The following SOX5 variants were observed in gnomAD, a reference collection of about 807,000 sequenced individuals.
SOX5 encodes the protein transcription factor SOX-5.
SOX5 carries 9 observed loss-of-function variants against 92.0 expected under a neutral mutation model. The observed-to-expected ratio is 0.10, with a 90% confidence interval of 0.06 to 0.17. SOX5 has a LOEUF of 0.17. Among genes scored for constraint, SOX5 ranks in the 10% least tolerant of loss-of-function variants. The pLI, the probability that SOX5 is intolerant of heterozygous loss-of-function variation, is 1.00. For missense variants in SOX5, 642 were observed against 944.5 expected (o/e 0.68, Z 4.20); for synonymous variants, 344 against 336.3 (o/e 1.02, Z -0.25).
chr12:24,119,167 C>T (rs1288918745), intron 4 of SOX5, among the ~76,000 whole-genome samples: 1 of 152,050 alleles, frequency 6.6e-6, no homozygotes, highest in Non-Finnish European at 1.5e-5. Context: ...GGAATATTCT[C>T]TCAGGAACTA....
chr12:23,540,741 G>C (rs766605845), intron 13 of SOX5, among the ~76,000 whole-genome samples: 1 of 152,010 alleles, frequency 6.6e-6, no homozygotes, highest in African/African-American at 2.4e-5. Flanking sequence ...CAGATTTTAG[G>C]GTATTATAAA....
intron 4 of SOX5, among the ~76,000 whole-genome samples, chr12:24,093,935 GTA>G (rs1944992862): frequency 6.6e-6 from 1 of 151,940 alleles, no homozygotes; most frequent in Non-Finnish European, 1.5e-5. Context: ...TTGAAATTGT[GTA>G]TCTTTTTTTG....
rs368651936 is a variant in SOX5 at position 24,030,028 on chromosome 12, T to G, written c.-1-134004A>C. Among the ~76,000 whole-genome samples the G allele has an allele frequency of 4.7e-4, 72 of 152,028 alleles. 1 individual carries two copies. In the South Asian group the frequency reaches 0.014, roughly 29 times the overall value. ...AGGTACGTGTTGTTTTCACCTTCGT[T>G]TTACCGAAGAGAAATTGAAGCACAG... On this transcript the variant is annotated intron_variant, in intron 4 of 4. Coordinates refer to the SOX5 transcript ENST00000446891.
At chr12:23,613,862 G>C (rs79004914) in intron 8 of SOX5, among the ~76,000 whole-genome samples, 11,101 of 152,224 alleles carry the variant, frequency 0.073, 551 homozygotes, top group Non-Finnish European at 0.1. Flanking sequence ...CAGGGGCTCA[G>C]GGGAGGGAGG....
intron 4 of SOX5, among the ~76,000 whole-genome samples, chr12:23,741,613 T>C (rs1413850594): frequency 2.0e-5 from 3 of 152,196 alleles, no homozygotes; most frequent in South Asian, 2.1e-4. Context: ...CAGAATTCTA[T>C]GTTAAAAGAG....
intron 4 of SOX5, among the ~76,000 whole-genome samples, chr12:24,144,887 G>A (rs185505860): frequency 6.6e-6 from 1 of 152,086 alleles, no homozygotes; most frequent in Admixed American, 6.6e-5. Context: ...TATACTATTT[G>A]AAAGTTCTCA....
At chr12:23,878,071 C>T (rs1044323414) in intron 2 of SOX5, among the ~76,000 whole-genome samples, 1 of 151,852 alleles carries the variant, frequency 6.6e-6, no homozygotes, top group Non-Finnish European at 1.5e-5. Context: ...TTAAAGTTAT[C>T]GCTATTAGAA....
At chr12:24,061,796 G>T (rs185269970) in intron 4 of SOX5, among the ~76,000 whole-genome samples, 2 of 151,390 alleles carry the variant, frequency 1.3e-5, no homozygotes, top group Non-Finnish European at 2.9e-5. Context: ...CTTTCAACAG[G>T]CCCTATAATG....
chr12:23,754,975 G>A (rs1004645082), intron 4 of SOX5, among the ~76,000 whole-genome samples: 1 of 142,710 alleles, frequency 7.0e-6, no homozygotes, highest in Non-Finnish European at 1.5e-5. Flanking sequence ...GCAACAAATA[G>A]AAAACTATCA....
intron 3 of SOX5, among the ~76,000 whole-genome samples, chr12:23,767,795 C>T (rs1237560793): frequency 6.9e-6 from 1 of 144,984 alleles, no homozygotes; most frequent in African/African-American, 2.6e-5. Context: ...CTGATCTTTT[C>T]AGAAATAAAT....
chr12:23,601,912 G>C lies in SOX5; in HGVS notation c.1164+2475C>G, dbSNP rs149544582. Among the ~76,000 whole-genome samples the C allele has an allele frequency of 8.5e-5, 13 of 152,190 alleles. No individual in the cohort carries two copies. In the East Asian group the frequency reaches 2.5e-3, roughly 29 times the overall value. On this transcript the variant is annotated intron_variant, in intron 9 of 14. Transcript: ENST00000451604. ...GAGTGGTTGTGGACAGTATGCTAGA[G>C]GGCACTGAGCAAAGAAAGGGCATAT...
At chr12:24,334,682 A>C (rs1051747525) in intron 2 of SOX5, among the ~76,000 whole-genome samples, 2 of 152,188 alleles carry the variant, frequency 1.3e-5, no homozygotes, top group African/African-American at 4.8e-5. Flanking sequence ...AGAAGTAAAC[A>C]AAGTTTTATG....
At chr12:24,350,915 T>C (rs1247787800) in intron 2 of SOX5, among the ~76,000 whole-genome samples, 1 of 151,986 alleles carries the variant, frequency 6.6e-6, no homozygotes, top group Non-Finnish European at 1.5e-5. Flanking sequence ...TAGCCGAGTA[T>C]GATGGTGCAC....
chr12:24,138,829 T>C (rs561686673), intron 4 of SOX5, among the ~76,000 whole-genome samples: 1 of 152,178 alleles, frequency 6.6e-6, no homozygotes, highest in African/African-American at 2.4e-5. Context: ...CCTAGAGATA[T>C]TCCCCCCATT....
At chr12:24,028,473 G>C (rs751104599) in intron 4 of SOX5, among the ~76,000 whole-genome samples, 7 of 151,944 alleles carry the variant, frequency 4.6e-5, no homozygotes, top group Non-Finnish European at 1.0e-4. Context: ...ACCATATATT[G>C]ATTGTCCCAT....
intron 4 of SOX5, among the ~76,000 whole-genome samples, chr12:23,992,077 A>T (rs995875617): frequency 6.6e-6 from 1 of 152,106 alleles, no homozygotes; most frequent in Admixed American, 6.6e-5. Flanking sequence ...AGAAACCCAG[A>T]TCAGTATTGG....
chr12:23,929,999 T>C (rs555876446), intron 1 of SOX5, among the ~76,000 whole-genome samples: 83 of 151,900 alleles, frequency 5.5e-4, no homozygotes, highest in Admixed American at 1.2e-3. Context: ...CTACTCATCC[T>C]CATTCTGACC....
chr12:24,415,998 C>A (rs1964950741), intron 1 of SOX5, among the ~76,000 whole-genome samples: 1 of 152,178 alleles, frequency 6.6e-6, no homozygotes, highest in Non-Finnish European at 1.5e-5. Flanking sequence ...TCAAGACTTA[C>A]AGAAAACTTA....
At chr12:23,770,596 T>C (rs964218099) in intron 3 of SOX5, among the ~76,000 whole-genome samples, 1 of 152,188 alleles carries the variant, frequency 6.6e-6, no homozygotes, top group African/African-American at 2.4e-5. Flanking sequence ...TTATACACAT[T>C]TTGTGAAATT....
Sources: gnomAD v4.1 joint callset for allele counts (sites outside exome capture counted in the v4.1 genomes callset) on GRCh38, gnomAD v4.1.1 for gene constraint, MANE v1.5 for transcripts, NCBI Gene and HGNC (gene_info 2026-07-23, HGNC 2026-07-21) for gene names.